The following BICC1 variants were observed in gnomAD, a reference collection of about 807,000 sequenced individuals.
BICC1 encodes the protein protein bicaudal C homolog 1.
BICC1 carries 43 observed loss-of-function variants against 111.0 expected under a neutral mutation model. That is an observed-to-expected ratio of 0.39 (90% CI 0.30 to 0.50). The LOEUF (loss-of-function observed/expected upper bound fraction) is 0.50, where lower values mean the gene tolerates loss of function less well. Ranked by LOEUF, BICC1 falls within the 20% of genes least tolerant of loss-of-function variation. The probability of loss-of-function intolerance (pLI) is 0.88; values close to 1 mark genes in which losing one functional copy is unlikely to be tolerated. For missense variants in BICC1, 1,091 were observed against 1,203.2 expected, an observed-to-expected ratio of 0.91 and a Z score of 1.38; for synonymous variants, 467 against 434.4, an observed-to-expected ratio of 1.07 and a Z score of -0.93.
At chr10:58,616,789 A>C (rs1381616694) in intron 1 of BICC1, among the ~76,000 whole-genome samples, 5 of 152,196 alleles carry the variant, frequency 3.3e-5, no homozygotes, top group Non-Finnish European at 5.9e-5. Flanking sequence ...CCTTCATGGG[A>C]GGGCAACAGT....
chr10:58,639,218 C>G (rs1423039300), intron 2 of BICC1, among the ~76,000 whole-genome samples: 2 of 152,102 alleles, frequency 1.3e-5, no homozygotes, highest in Non-Finnish European at 2.9e-5. Context: ...AGATCCATAT[C>G]TATACCCTAA....
intron 1 of BICC1, among the ~76,000 whole-genome samples, chr10:58,590,608 C>G (rs1844581137): frequency 6.6e-6 from 1 of 152,016 alleles, no homozygotes; most frequent in African/African-American, 2.4e-5. Context: ...AGTGTATTTC[C>G]CTTTTATTTG....
intron 20 of BICC1, chr10:58,823,850 T>C (rs185532178): frequency 2.0e-6 from 2 of 985,240 alleles, no homozygotes; most frequent in African/African-American, 3.5e-5. Flanking sequence ...CCTTTAAATA[T>C]ATTCAATTCT....
intron 1 of BICC1, among the ~76,000 whole-genome samples, chr10:58,547,725 A>G (rs1230858222): frequency 6.6e-6 from 1 of 152,108 alleles, no homozygotes; most frequent in East Asian, 1.9e-4. Flanking sequence ...TTATAATCTA[A>G]TACTTGTTTA....
intron 5 of BICC1, 27 bp downstream of exon 5, chr10:58,787,108 T>A (rs747272361): frequency 2.0e-6 from 3 of 1,533,800 alleles, no homozygotes; most frequent in Non-Finnish European, 2.6e-6. Flanking sequence ...CATGAACTTT[T>A]ATGGGATGAA....
chr10:58,760,419 G>A (rs1345731810), intron 3 of BICC1, among the ~76,000 whole-genome samples: 2 of 152,024 alleles, frequency 1.3e-5, no homozygotes, highest in South Asian at 2.1e-4. Context: ...GAATCCCACC[G>A]TAATATATAC....
chr10:58,763,347 A>T (rs1032789373), intron 3 of BICC1, among the ~76,000 whole-genome samples: 1 of 152,214 alleles, frequency 6.6e-6, no homozygotes, highest in African/African-American at 2.4e-5. Flanking sequence ...AGTGATTTTA[A>T]AACTGTGAGA....
At chr10:58,515,183 G>A (rs550776304) in intron 1 of BICC1, among the ~76,000 whole-genome samples, 1 of 152,224 alleles carries the variant, frequency 6.6e-6, no homozygotes, top group Non-Finnish European at 1.5e-5. Flanking sequence ...ATCTGAGACG[G>A]TTTGAAATTG....
Position 58,828,950 on chromosome 10 carries a change from G to C in BICC1, c.*59G>C. 1 of 1,602,070 alleles carries C rather than the reference G, an allele frequency of 6.2e-7. No individual in the cohort carries two copies. Among genetic ancestry groups the C allele is most frequent in the Non-Finnish European group, 8.5e-7 (1 of 1,173,464 alleles). On this transcript the variant is annotated 3_prime_UTR_variant, in exon 21 of 21. Transcript: ENST00000373886. ...TGTAAAGTGGACACAGGAGATGTAT[G>C]AACAGCCTTCACAGCACACCATCCT...
intron 1 of BICC1, among the ~76,000 whole-genome samples, chr10:58,554,137 G>A (rs900730165): frequency 6.6e-6 from 1 of 152,094 alleles, no homozygotes; most frequent in Non-Finnish European, 1.5e-5. Flanking sequence ...GTGATAGGTG[G>A]AAGGCAGGAA....
At chr10:58,687,711 C>T (rs1839781912) in intron 2 of BICC1, among the ~76,000 whole-genome samples, 1 of 152,172 alleles carries the variant, frequency 6.6e-6, no homozygotes, top group Non-Finnish European at 1.5e-5. Context: ...TTGCTAAGAC[C>T]ATTGGAAAAG....
chr10:58,716,792 T>C (rs1840758271), intron 3 of BICC1, among the ~76,000 whole-genome samples: 1 of 151,570 alleles, frequency 6.6e-6, no homozygotes, highest in East Asian at 1.9e-4. Flanking sequence ...GGGGGGGTGG[T>C]TTGCTATCTC....
chr10:58,613,875 T>C (rs1845516764), intron 1 of BICC1, among the ~76,000 whole-genome samples: 1 of 152,226 alleles, frequency 6.6e-6, no homozygotes, highest in Non-Finnish European at 1.5e-5. Context: ...TTGCCTATTT[T>C]GATTCATTAG....
intron 1 of BICC1, among the ~76,000 whole-genome samples, chr10:58,614,115 A>C (rs1323375186): frequency 6.6e-6 from 1 of 152,072 alleles, no homozygotes; most frequent in African/African-American, 2.4e-5. Context: ...GGAGAAGTAG[A>C]CTCTCAAATT....
At chr10:58,619,939 T>G (rs1023275485) in intron 1 of BICC1, among the ~76,000 whole-genome samples, 1 of 152,150 alleles carries the variant, frequency 6.6e-6, no homozygotes, top group African/African-American at 2.4e-5. Context: ...GGTGTTTGGT[T>G]TACCGTGGTC....
In BICC1 at chr10:58,588,926, C is replaced by T. The variant is rs575160080; in HGVS notation, c.191-31929C>T. On this transcript the variant is annotated intron_variant, in intron 1 of 20. Transcript: ENST00000373886. Reference sequence around the variant, plus strand: ...CACCAGGTAGAGTGACCAGCTGTCTCCCTTTGCCCTGATCTCAGGGTTGTC... The same window carrying T: ...CACCAGGTAGAGTGACCAGCTGTCTTCCTTTGCCCTGATCTCAGGGTTGTC... 8.6e-4 allele frequency among the ~76,000 whole-genome samples: 131 copies of T among 152,222 alleles called. 1 individual carries two copies. Among genetic ancestry groups the T allele is most frequent in the African/African-American group, 3.0e-3 (124 of 41,540 alleles).
chr10:58,616,343 T>C (rs1390764615), intron 1 of BICC1, among the ~76,000 whole-genome samples: 1 of 152,208 alleles, frequency 6.6e-6, no homozygotes, highest in African/African-American at 2.4e-5. Flanking sequence ...CAGGATTGAC[T>C]GAGAGAAAAT....
intron 3 of BICC1, among the ~76,000 whole-genome samples, chr10:58,706,638 C>G (rs116983082): frequency 0.039 from 5,958 of 152,192 alleles, 182 homozygotes; most frequent in Non-Finnish European, 0.06. Context: ...TGGTTTCCTT[C>G]CACGCTGTTC....
chr10:58,582,294 A>T (rs1248176624), intron 1 of BICC1, among the ~76,000 whole-genome samples: 2 of 152,200 alleles, frequency 1.3e-5, no homozygotes, highest in Non-Finnish European at 2.9e-5. Flanking sequence ...AGTTTTCTAC[A>T]TTCTTACTAA....
Sources: allele counts gnomAD v4.1 joint callset (sites outside exome capture counted in the v4.1 genomes callset), GRCh38; gene constraint gnomAD v4.1.1; transcripts MANE v1.5; gene names NCBI Gene and HGNC (gene_info 2026-07-23, HGNC 2026-07-21).